Variants in DGKB observed in about 807,000 individuals in gnomAD.
The protein encoded by DGKB is diacylglycerol kinase beta.
DGKB carries 67 observed loss-of-function variants against 114.3 expected under a neutral mutation model. The ratio of observed to expected loss-of-function variants is 0.59; its 90% CI spans 0.48 to 0.72. DGKB has a LOEUF of 0.72. Among genes scored for constraint, DGKB ranks in the 30% least tolerant of loss-of-function variants. DGKB has a pLI of 0.00. For missense variants in DGKB, 907 were observed against 975.2 expected, an observed-to-expected ratio of 0.93 and a Z score of 0.93; for synonymous variants, 398 against 323.1, an observed-to-expected ratio of 1.23 and a Z score of -2.49.
chr7:14,932,502 T>C (rs77251438), intron 1 of DGKB, among the ~76,000 whole-genome samples: 7,332 of 152,242 alleles, frequency 0.048, 565 homozygotes, highest in African/African-American at 0.16. Context: ...ATTAGTCAGA[T>C]TATTGTACAT....
At chr7:14,222,781 G>T (rs1426008206) in intron 23 of DGKB, among the ~76,000 whole-genome samples, 1 of 151,390 alleles carries the variant, frequency 6.6e-6, no homozygotes, top group Admixed American at 6.6e-5. Flanking sequence ...TTACTGAATT[G>T]TCTATTTCTC....
intron 23 of DGKB, among the ~76,000 whole-genome samples, chr7:14,299,797 G>A (rs988509384): frequency 6.6e-6 from 1 of 151,990 alleles, no homozygotes; most frequent in African/African-American, 2.4e-5. Context: ...ATCCCTGTAA[G>A]GCGTGCCCTT....
At chr7:14,182,672 G>A (rs1341129116) in intron 23 of DGKB, among the ~76,000 whole-genome samples, 3 of 152,162 alleles carry the variant, frequency 2.0e-5, no homozygotes, top group Non-Finnish European at 4.4e-5. Flanking sequence ...GGATATGAAT[G>A]TAAATTTGAA....
chr7:14,468,394 A>G (rs1426204160), intron 21 of DGKB, among the ~76,000 whole-genome samples: 1 of 152,102 alleles, frequency 6.6e-6, no homozygotes, highest in African/African-American at 2.4e-5. Flanking sequence ...ACACAAGGGA[A>G]CAGAAGCTTC....
chr7:14,424,780 A>G (rs1827244917), intron 21 of DGKB, among the ~76,000 whole-genome samples: 3 of 152,078 alleles, frequency 2.0e-5, no homozygotes, highest in Admixed American at 1.3e-4. Flanking sequence ...GGTTTGAAAT[A>G]ATTGCCCAGA....
chr7:14,321,805 T>A (rs1265123125), intron 23 of DGKB, among the ~76,000 whole-genome samples: 2 of 152,106 alleles, frequency 1.3e-5, no homozygotes, highest in Admixed American at 6.6e-5. Context: ...TTTTTTAGAA[T>A]AGCACTGTTA....
chr7:14,556,403 T>G (rs138657129), intron 20 of DGKB, among the ~76,000 whole-genome samples: 42 of 152,242 alleles, frequency 2.8e-4, no homozygotes, highest in Non-Finnish European at 5.6e-4. Flanking sequence ...ATAATCACCT[T>G]CAAATATTAA....
intron 23 of DGKB, among the ~76,000 whole-genome samples, chr7:14,304,337 T>C (rs1172382097): frequency 6.6e-6 from 1 of 152,104 alleles, no homozygotes; most frequent in African/African-American, 2.4e-5. Flanking sequence ...TATTTTTATA[T>C]TGCGGTGTTT....
At chr7:14,526,188 A>C (rs902113053) in intron 20 of DGKB, among the ~76,000 whole-genome samples, 7 of 152,164 alleles carry the variant, frequency 4.6e-5, no homozygotes, top group African/African-American at 1.7e-4. Flanking sequence ...GTGTGCACTC[A>C]TTCATTTAAA....
chr7:14,560,749 A>T (rs926485833), intron 20 of DGKB, among the ~76,000 whole-genome samples: 2 of 152,172 alleles, frequency 1.3e-5, no homozygotes, highest in Non-Finnish European at 2.9e-5. Flanking sequence ...ATTATACAAC[A>T]GTTCTATTTT....
chr7:14,638,904 G>A (rs1016428707), intron 13 of DGKB, among the ~76,000 whole-genome samples: 22 of 152,170 alleles, frequency 1.4e-4, no homozygotes, highest in African/African-American at 5.3e-4. Context: ...CCGGCATGGT[G>A]GCTTGCTCTT....
chr7:14,498,362 C>G (rs980075180), intron 20 of DGKB, among the ~76,000 whole-genome samples: 4 of 151,550 alleles, frequency 2.6e-5, no homozygotes, highest in African/African-American at 7.3e-5. Flanking sequence ...TTAATTAACA[C>G]AAAGTATTAT....
At chr7:14,713,120 G>A (rs1287674704) in intron 6 of DGKB, among the ~76,000 whole-genome samples, 2 of 151,918 alleles carry the variant, frequency 1.3e-5, no homozygotes, top group South Asian at 2.1e-4. Context: ...GCCCACACAC[G>A]TATTTAGTTA....
intron 13 of DGKB, among the ~76,000 whole-genome samples, chr7:14,645,910 T>C (rs1812897967): frequency 6.6e-6 from 1 of 152,150 alleles, no homozygotes; most frequent in Non-Finnish European, 1.5e-5. Context: ...AATGAAATGT[T>C]ATTTCTACAG....
In DGKB at chr7:14,639,214, G is replaced by A. The variant is rs555870990; in HGVS notation, c.1135-8946C>T. Among the ~76,000 whole-genome samples, 69 of 152,070 alleles carry A rather than the reference G, an allele frequency of 4.5e-4. 1 individual carries two copies. Among genetic ancestry groups the A allele is most frequent in the African/African-American group, 1.5e-3 (62 of 41,500 alleles). ...TGGGTGTAATAAGATGAGAATTGAA[G>A]AAAAAACTGAAGTTTTACACATATT... is the stretch of plus-strand genomic sequence containing the variant. On this transcript the variant is annotated intron_variant, in intron 13 of 25. Coordinates refer to ENST00000402815, the MANE Select transcript of DGKB (RefSeq NM_001350709.2).
intron 2 of DGKB, among the ~76,000 whole-genome samples, chr7:14,776,036 C>T (rs983225503): frequency 6.6e-6 from 1 of 151,998 alleles, no homozygotes; most frequent in Non-Finnish European, 1.5e-5. Context: ...CAATGAAGTC[C>T]AAGCTGAGGT....
intron 1 of DGKB, among the ~76,000 whole-genome samples, chr7:14,841,869 A>G (rs1389097959): frequency 6.6e-6 from 1 of 152,214 alleles, no homozygotes; most frequent in East Asian, 1.9e-4. Flanking sequence ...TGGAGAAGTC[A>G]TATAATTTGT....
At position 14,682,926 on chromosome 7, in the gene DGKB, T is replaced by C. The variant is rs1054475737; in HGVS notation, c.830-85A>G. The stretch of plus-strand genomic sequence containing the variant: ...GAGAAAGAATGACATTAACAGAACC[T>C]CATTTCATATCCACTGCTCCCTAAT... On this transcript the variant is annotated intron_variant, in intron 10 of 25. Transcript: ENST00000402815. The C allele has an allele frequency of 3.4e-6, 3 of 878,184 alleles. No homozygotes were observed. The African/African-American group carries it at 5.0e-5, about 15-fold the overall frequency. The allele number at this position is 878,184 out of a possible 1,614,324, so 54.4% of individuals were successfully genotyped here.
chr7:14,439,048 C>T (rs1022807650), intron 21 of DGKB, among the ~76,000 whole-genome samples: 1 of 151,134 alleles, frequency 6.6e-6, no homozygotes, highest in African/African-American at 2.4e-5. Context: ...CTGGAAACAA[C>T]ATAGCCAGAT....
Sources: allele counts gnomAD v4.1 joint callset (sites outside exome capture counted in the v4.1 genomes callset), GRCh38; gene constraint gnomAD v4.1.1; transcripts MANE v1.5; gene names NCBI Gene and HGNC (gene_info 2026-07-23, HGNC 2026-07-21).